The following UCHL5 variants were observed in gnomAD, a reference collection of about 807,000 sequenced individuals.
UCHL5 encodes the protein ubiquitin C-terminal hydrolase L5.
UCHL5 carries 34 observed loss-of-function variants against 53.8 expected under a neutral mutation model. That is an observed-to-expected ratio of 0.63 (90% CI 0.48 to 0.84). The LOEUF (loss-of-function observed/expected upper bound fraction) is 0.84, where lower values mean the gene tolerates loss of function less well. Among genes scored for constraint, UCHL5 ranks in the 40% least tolerant of loss-of-function variants. The pLI, the probability that UCHL5 is intolerant of heterozygous loss-of-function variation, is 0.00. For missense variants in UCHL5, 290 were observed against 385.6 expected, an observed-to-expected ratio of 0.75 and a Z score of 2.08; for synonymous variants, 111 against 126.3, an observed-to-expected ratio of 0.88 and a Z score of 0.81.
At position 193,016,233 on chromosome 1, in the gene UCHL5, G is replaced by A. The variant is rs1048385620; in HGVS notation, c.*118C>T. 5 of 1,101,888 alleles carry A rather than the reference G, an allele frequency of 4.5e-6. No individual in the cohort carries two copies. In the East Asian group the frequency reaches 1.0e-4, roughly 22 times the overall value. The allele number at this position is 1,101,888 out of a possible 1,614,324, so 68.3% of individuals were successfully genotyped here. A position where few individuals can be genotyped will look rare whatever the true frequency, so the allele number is the denominator to read the frequency against. On this transcript the variant is annotated 3_prime_UTR_variant, in exon 11 of 11. Coordinates refer to ENST00000367454, the MANE Select transcript of UCHL5 (RefSeq NM_001199261.3). Reference sequence around the variant, plus strand: ...CCATGCATTAAAGACAAGACAGGCTGGCACTATTGCCAAACGTGCACTGAG... The same window carrying A: ...CCATGCATTAAAGACAAGACAGGCTAGCACTATTGCCAAACGTGCACTGAG...
chr1:193,059,174 T>C lies in UCHL5; in HGVS notation c.76+11A>G. 3 of 1,602,148 alleles carry C rather than the reference T, an allele frequency of 1.9e-6. No individual in the cohort carries two copies. The South Asian group carries it at 3.4e-5, about 18-fold the overall frequency. On this transcript the variant is annotated intron_variant, in intron 1 of 10. Coordinates refer to ENST00000367454, the MANE Select transcript of UCHL5 (RefSeq NM_001199261.3). The surrounding 1 kb of genome is among the most constrained non-coding windows in gnomAD (Gnocchi z 4.9). Reference sequence around the variant, plus strand: ...TGACCCCAGGCCCAGGACGGTCCCCTTGGTTCTCACCGAATCCTTTAATGA... The same window carrying C: ...TGACCCCAGGCCCAGGACGGTCCCCCTGGTTCTCACCGAATCCTTTAATGA...
At chr1:193,036,168 C>T (rs1038945567) in intron 3 of UCHL5, among the ~76,000 whole-genome samples, 16 of 151,306 alleles carry the variant, frequency 1.1e-4, no homozygotes, top group African/African-American at 3.4e-4. Flanking sequence ...TAAATAGGCT[C>T]AATTCTTCAA....
chr1:193,052,259 T>C (rs1190671028), intron 1 of UCHL5, among the ~76,000 whole-genome samples: 2 of 152,208 alleles, frequency 1.3e-5, no homozygotes, highest in African/African-American at 4.8e-5. Flanking sequence ...GAATTCCAAC[T>C]GTATATTTTC....
chr1:193,052,057 T>A (rs546749246), intron 1 of UCHL5, among the ~76,000 whole-genome samples: 1 of 152,238 alleles, frequency 6.6e-6, no homozygotes, highest in East Asian at 1.9e-4. Context: ...TCTATGACTG[T>A]TCCTTCTCTC....
At chr1:193,057,641 C>T (rs1419745953) in intron 1 of UCHL5, among the ~76,000 whole-genome samples, 5 of 152,196 alleles carry the variant, frequency 3.3e-5, no homozygotes, top group African/African-American at 1.2e-4. Flanking sequence ...CACTACAGGG[C>T]AATTCAAACT....
chr1:193,038,467 A>G (rs1664407335), intron 3 of UCHL5, among the ~76,000 whole-genome samples: 1 of 151,922 alleles, frequency 6.6e-6, no homozygotes, highest in Admixed American at 6.6e-5. Context: ...AAAAAAAAAA[A>G]AAAACCACAG....
intron 3 of UCHL5, among the ~76,000 whole-genome samples, chr1:193,039,851 C>T (rs1339414983): frequency 1.3e-5 from 2 of 152,128 alleles, no homozygotes; most frequent in Non-Finnish European, 2.9e-5. Context: ...CATGCATTTA[C>T]AGATAAATCA....
intron 8 of UCHL5, 83 bp downstream of exon 8, chr1:193,023,761 G>C (rs527296184): frequency 9.4e-7 from 1 of 1,067,142 alleles, no homozygotes; most frequent in African/African-American, 1.6e-5. Flanking sequence ...CAGACCACTT[G>C]ATTATATATA....
chr1:193,014,566 C>T lies in UCHL5; in HGVS notation c.*1785G>A, dbSNP rs957386620. On this transcript the variant is annotated 3_prime_UTR_variant, in exon 11 of 11. Transcript: ENST00000367454. Reference sequence around the variant, plus strand: ...ATATCATCTGTTTTCAGTTAAAAAGCTTCATACTTTTAAAATATTACATTT... The same window carrying T: ...ATATCATCTGTTTTCAGTTAAAAAGTTTCATACTTTTAAAATATTACATTT... 3.9e-5 allele frequency: 6 copies of T among 152,028 alleles called. No individual in the cohort carries two copies. The highest frequency in any genetic ancestry group is 1.4e-4 in the African/African-American group (6 of 41,394). 9.4% of individuals were successfully genotyped at this position (152,028 alleles called of 1,614,324 possible). A position where few individuals can be genotyped will look rare whatever the true frequency, so the allele number is the denominator to read the frequency against.
Position 193,022,927 on chromosome 1 carries a change from T to A in UCHL5, c.842A>T (p.Lys281Met). Reference sequence around the variant, plus strand: ...AGGAACACATTTTTAAAAACATACCTTGTATCTTTTTAATTTCTGTACTTC... The same window carrying A: ...AGGAACACATTTTTAAAAACATACCATGTATCTTTTTAATTTCTGTACTTC... ...EEEVQKLKRY[K>M]IENIRRKHNY... The change falls in exon 9 of 11, where the codon AAG (lysine) becomes ATG (methionine). Residue 281 changes from lysine to methionine, a missense_variant and splice_region_variant. Lys to Met is a moderately conservative substitution (Grantham distance 95). Coordinates refer to ENST00000367454, the MANE Select transcript of UCHL5 (RefSeq NM_001199261.3). 1.3e-6 allele frequency: 2 copies of A among 1,595,514 alleles called. No individual in the cohort carries two copies. The highest frequency in any genetic ancestry group is 2.2e-5 in the East Asian group (1 of 44,644).
intron 6 of UCHL5, 87 bp from the exon 7 acceptor site, chr1:193,028,235 T>A: frequency 8.7e-7 from 1 of 1,148,730 alleles, no homozygotes; most frequent in Non-Finnish European, 1.2e-6. Context: ...AAATATTTTT[T>A]TACAAATATT....
Position 193,023,023 on chromosome 1 carries a change from G to C in UCHL5, c.746C>G (p.Thr249Arg). Residue 249 changes from threonine to arginine, a missense_variant, in exon 9 of 11, where the codon ACA becomes AGA. Thr to Arg is a moderately conservative substitution (Grantham distance 71). Transcript: ENST00000367454. The part of the protein sequence containing the change: ...QRQLAEEPMD[T>R]DQGNSMLSAI... ...ACTTAACATACTATTACCTTGATCT[G>C]TATCCATGGGTTCCTCCTTGGGGGA... 1 of 1,611,728 alleles carries C rather than the reference G, an allele frequency of 6.2e-7. No homozygotes were observed. Among genetic ancestry groups the C allele is most frequent in the African/African-American group, 1.3e-5 (1 of 74,900 alleles).
chr1:193,029,964 C>G (rs1467270025), intron 3 of UCHL5, among the ~76,000 whole-genome samples: 1 of 152,140 alleles, frequency 6.6e-6, no homozygotes, highest in Non-Finnish European at 1.5e-5. Context: ...GCCAACAGAG[C>G]TTGTCCCCCT....
chr1:193,018,456 C>T, intron 10 of UCHL5: 1 of 799,038 alleles, frequency 1.3e-6, no homozygotes, highest in Non-Finnish European at 1.5e-6. Flanking sequence ...AGATTTGGTA[C>T]ATAATACAAG....
intron 8 of UCHL5, 123 bp downstream of exon 8, chr1:193,023,721 A>C: frequency 2.8e-6 from 2 of 717,550 alleles, no homozygotes; most frequent in South Asian, 3.7e-5. Flanking sequence ...AGGCAGCCTG[A>C]ATCCAGTGTG....
intron 7 of UCHL5, among the ~76,000 whole-genome samples, chr1:193,026,004 A>G (rs1438651983): frequency 4.6e-5 from 7 of 151,200 alleles, no homozygotes; most frequent in Non-Finnish European, 1.0e-4. Context: ...AATATGCTCC[A>G]TTTTTGCAAA....
At chr1:193,021,338 AG>A in intron 9 of UCHL5, 143 bp from the exon 10 acceptor site, 1 of 587,166 alleles carries the variant, frequency 1.7e-6, no homozygotes, top group Non-Finnish European at 2.9e-6. Context: ...ATTCCCACTG[AG>A]AATAAAAATT....
intron 10 of UCHL5, 95 bp from the exon 11 acceptor site, chr1:193,016,490 A>C (rs1654941643): frequency 1.7e-5 from 19 of 1,143,362 alleles, no homozygotes; most frequent in Non-Finnish European, 2.0e-5. Context: ...TCAAGCTGAA[A>C]GGCTTGAAAT....
intron 6 of UCHL5, 81 bp from the exon 7 acceptor site, chr1:193,028,229 ATT>A: frequency 8.3e-7 from 1 of 1,210,442 alleles, no homozygotes; most frequent in Non-Finnish European, 1.1e-6. Flanking sequence ...GGCCCAAAAT[ATT>A]TTTTTACAAA....
Sources: gnomAD v4.1 joint callset for allele counts (sites outside exome capture counted in the v4.1 genomes callset) on GRCh38, gnomAD v4.1.1 for gene constraint, Gnocchi (gnomAD v3.1) non-coding constraint, MANE v1.5 for transcripts, NCBI Gene and HGNC (gene_info 2026-07-23, HGNC 2026-07-21) for gene names.